The following GRAMD1A variants were observed in gnomAD, a reference collection of about 807,000 sequenced individuals.
The protein encoded by GRAMD1A is protein Aster-A.
GRAMD1A carries 50 observed loss-of-function variants against 92.0 expected under a neutral mutation model. The ratio of observed to expected loss-of-function variants is 0.54; its 90% CI spans 0.43 to 0.69. The LOEUF (loss-of-function observed/expected upper bound fraction) is 0.69. Among genes scored for constraint, GRAMD1A ranks in the 30% least tolerant of loss-of-function variants. GRAMD1A has a pLI of 0.00. For synonymous variants in GRAMD1A, 405 were observed against 403.6 expected (o/e 1.00, Z -0.04); for missense variants, 819 against 978.9 (o/e 0.84, Z 2.18).
At position 35,026,145 on chromosome 19, in the gene GRAMD1A, C is replaced by T; in HGVS notation, c.*4C>T. 6.7e-7 allele frequency: 1 copy of T among 1,481,954 alleles called. No homozygotes were observed. The highest frequency in any genetic ancestry group is 9.4e-7 in the Non-Finnish European group (1 of 1,059,826). The allele number at this position is 1,481,954 out of a possible 1,614,324, so 91.8% of individuals were successfully genotyped here. A position where few individuals can be genotyped will look rare whatever the true frequency, so the allele number is the denominator to read the frequency against. ...GCCCGATGACAGCTTTTCCTGAGGA[C>T]CCCGGCCACGCAGCTGTTCCCCCAC... On this transcript the variant is annotated 3_prime_UTR_variant, in exon 20 of 20. Coordinates refer to ENST00000317991, the MANE Select transcript of GRAMD1A (RefSeq NM_020895.5).
rs528449124 is a variant in GRAMD1A, at chr19:35,013,205, G to C, written c.607-51G>C. 1.0e-5 allele frequency: 10 copies of C among 984,138 alleles called. No homozygotes were observed. Among genetic ancestry groups the C allele is most frequent in the African/African-American group, 6.4e-5 (4 of 62,518 alleles). The allele number at this position is 984,138 out of a possible 1,614,324, so 61.0% of individuals were successfully genotyped here. ...GGGCTGGTGGGGAATCTGGCGGGCC[G>C]GGCTCTGGCTGGGGTGAGATGGAGG... On this transcript the variant is annotated intron_variant, in intron 7 of 19. Transcript: ENST00000317991. The surrounding 1 kb of genome is among the most constrained non-coding windows in gnomAD (Gnocchi z 4.9).
At chr19:35,005,306 T>G (rs2014721753) in intron 1 of GRAMD1A, among the ~76,000 whole-genome samples, 4 of 2,450 alleles carry the variant, frequency 1.6e-3, no homozygotes, top group Non-Finnish European at 3.1e-3. Flanking sequence ...GGGAGGGGGA[T>G]CGGGAGGCGG....
Position 35,013,814 on chromosome 19 carries a change from C to T in GRAMD1A, c.870+123C>T. On this transcript the variant is annotated intron_variant, in intron 9 of 19. Coordinates refer to ENST00000317991, the MANE Select transcript of GRAMD1A (RefSeq NM_020895.5). This position sits in a 1 kb window ranked among gnomAD's most constrained non-coding sequence, Gnocchi z 4.9. ...GAATGGATAGGGGGACAGGGGAGGC[C>T]TGGATGGAGGAACAGGACAGGGAGG... 1 of 977,422 alleles carries T rather than the reference C, an allele frequency of 1.0e-6. No individual in the cohort carries two copies. Among genetic ancestry groups the T allele is most frequent in the Non-Finnish European group, 1.5e-6 (1 of 655,058 alleles). 60.5% of individuals were successfully genotyped at this position (977,422 alleles called of 1,614,324 possible). A position where few individuals can be genotyped will look rare whatever the true frequency, so the allele number is the denominator to read the frequency against.
At chr19:35,016,773 C>T (rs1340280584) in intron 11 of GRAMD1A, among the ~76,000 whole-genome samples, 1 of 151,642 alleles carries the variant, frequency 6.6e-6, no homozygotes, top group Non-Finnish European at 1.5e-5. Flanking sequence ...GGCATGGTGG[C>T]GAGCACCTGT....
At chr19:35,011,920 G>C (rs764800151) in intron 7 of GRAMD1A, among the ~76,000 whole-genome samples, 1 of 152,110 alleles carries the variant, frequency 6.6e-6, no homozygotes, top group African/African-American at 2.4e-5. Context: ...CCGGCTGAGC[G>C]GCACTCACGC....
rs1312752829 is a variant in GRAMD1A, at chr19:35,000,772, G to A, written c.8+286G>A. Among the ~76,000 whole-genome samples the A allele has an allele frequency of 6.6e-6, 1 of 152,126 alleles. No individual in the cohort carries two copies. The highest frequency in any genetic ancestry group is 1.5e-5 in the Non-Finnish European group (1 of 67,988). On this transcript the variant is annotated intron_variant, in intron 1 of 19. Coordinates refer to ENST00000317991, the MANE Select transcript of GRAMD1A (RefSeq NM_020895.5). The surrounding 1 kb of genome is among the most constrained non-coding windows in gnomAD (Gnocchi z 4.9). ...GCGGGGTTTGGCTGGGGGCCCGCGG[G>A]TTCATCTGGCGGGGAGGGCCCTCAG...
At chr19:35,017,042 C>A (rs2015690634) in intron 11 of GRAMD1A, among the ~76,000 whole-genome samples, 1 of 150,702 alleles carries the variant, frequency 6.6e-6, no homozygotes, top group East Asian at 2.0e-4. Context: ...GAGCATGATG[C>A]TGCCCACCCG....
At chr19:34,996,290 AG>A, upstream of GRAMD1A, 1 of 1,517,964 alleles carries the variant, frequency 6.6e-7, no homozygotes, top group Non-Finnish European at 8.8e-7. Flanking sequence ...GTCCCAGGAC[AG>A]GTCAGACCTG....
intron 1 of GRAMD1A, among the ~76,000 whole-genome samples, chr19:35,007,255 A>G (rs2014887140): frequency 6.6e-6 from 1 of 152,166 alleles, no homozygotes. Context: ...AGAAATGGGT[A>G]TAATAAAAAT....
chr19:34,996,511 A>T (rs901921920), upstream of GRAMD1A, among the ~76,000 whole-genome samples: 3 of 152,210 alleles, frequency 2.0e-5, no homozygotes, highest in Non-Finnish European at 4.4e-5. Context: ...TCTGCCTAGT[A>T]AGAGTGGAGG....
At chr19:35,022,473 C>T (rs748051700) in intron 16 of GRAMD1A, among the ~76,000 whole-genome samples, 9 of 151,894 alleles carry the variant, frequency 5.9e-5, no homozygotes, top group South Asian at 4.2e-4. Context: ...CAGAGTGATC[C>T]GGGCTGGGAT....
Position 35,015,978 on chromosome 19 carries a change from G to A in GRAMD1A, c.1213+11G>A, listed in dbSNP as rs370775926. The A allele has an allele frequency of 5.6e-5, 90 of 1,610,330 alleles. No homozygotes were observed. Among genetic ancestry groups the A allele is most frequent in the Middle Eastern group, 3.3e-4 (2 of 6,056 alleles). The stretch of plus-strand genomic sequence containing the variant: ...AGTGCAAGTTCACAGGTCAGCGGGC[G>A]CATGAAGGAGAGGCTGAGGTTACCC... On this transcript the variant is annotated intron_variant, in intron 11 of 19. Coordinates refer to ENST00000317991, the MANE Select transcript of GRAMD1A (RefSeq NM_020895.5).
intron 9 of GRAMD1A, 46 bp from the exon 10 acceptor site, chr19:35,014,135 AGCCCTGGG>A (rs2015452289): frequency 2.0e-6 from 3 of 1,505,966 alleles, no homozygotes. Flanking sequence ...TGGACTTGGG[AGCCCTGGG>A]GCTGGGATGG....
chr19:34,997,540 G>C (rs549988370), upstream of GRAMD1A, among the ~76,000 whole-genome samples: 38 of 152,320 alleles, frequency 2.5e-4, no homozygotes, highest in African/African-American at 8.4e-4. Context: ...TACCGACCCT[G>C]AATAGAACAA....
chr19:34,998,136 T>A (rs1048972092), upstream of GRAMD1A: 1 of 149,884 alleles, frequency 6.7e-6, no homozygotes. Context: ...AGAAGGCTCC[T>A]TGGGGGGCAC....
rs776355706 is a variant in GRAMD1A at position 35,009,200 on chromosome 19, G to A, written c.90G>A (p.Arg30=). The A allele has an allele frequency of 1.2e-6, 2 of 1,613,524 alleles. No individual in the cohort carries two copies. The highest frequency in any genetic ancestry group is 1.1e-5 in the South Asian group (1 of 91,086). Residue 30 remains arginine, a synonymous_variant, in exon 2 of 20, where the codon CGG becomes CGA. Coordinates refer to ENST00000317991, the MANE Select transcript of GRAMD1A (RefSeq NM_020895.5). ...GGCTGCAGCTCCTGCCCCCAAGCCGGCCCCCACCTGAGCCAGAACCAGGCA... is the reference window on the plus strand; with the variant it reads ...GGCTGCAGCTCCTGCCCCCAAGCCGACCCCCACCTGAGCCAGAACCAGGCA... The part of the protein sequence containing the change: ...RKRLQLLPPS[R]PPPEPEPGTM...
rs770899938 is a variant in GRAMD1A at position 35,010,198 on chromosome 19, G to A, written c.429+3G>A. ...ACATCTTCCGCTGGGAGACCACGGTGAGCCCGCAGCGGGGCAGGGTACAGG... is the reference window on the plus strand; with the variant it reads ...ACATCTTCCGCTGGGAGACCACGGTAAGCCCGCAGCGGGGCAGGGTACAGG... On this transcript the variant is annotated splice_donor_region_variant and intron_variant, in intron 5 of 19. Coordinates refer to ENST00000317991, the MANE Select transcript of GRAMD1A (RefSeq NM_020895.5). 2 of 1,608,904 alleles carry A rather than the reference G, an allele frequency of 1.2e-6. No individual in the cohort carries two copies. Among genetic ancestry groups the A allele is most frequent in the Admixed American group, 1.7e-5 (1 of 60,018 alleles).
At chr19:35,011,659 A>C in intron 7 of GRAMD1A, 105 bp downstream of exon 7, 3 of 781,938 alleles carry the variant, frequency 3.8e-6, no homozygotes, top group Non-Finnish European at 6.5e-6. Flanking sequence ...GCTCTTCTCC[A>C]TGGGCACCAG....
intron 7 of GRAMD1A, among the ~76,000 whole-genome samples, chr19:35,011,930 C>T (rs774057996): frequency 3.6e-4 from 55 of 152,178 alleles, no homozygotes; most frequent in Non-Finnish European, 5.9e-4. Context: ...GGCACTCACG[C>T]GCTGCCTTCT....
Sources: gnomAD v4.1 joint callset for allele counts (sites outside exome capture counted in the v4.1 genomes callset) on GRCh38, gnomAD v4.1.1 for gene constraint, Gnocchi (gnomAD v3.1) non-coding constraint, MANE v1.5 for transcripts, NCBI Gene and HGNC (gene_info 2026-07-23, HGNC 2026-07-21) for gene names.